The following EPB41 variants were observed in gnomAD, a reference collection of about 807,000 sequenced individuals.
EPB41 encodes erythrocyte membrane protein band 4.1.
A neutral mutation model predicts 108.0 loss-of-function variants in EPB41; 65 were observed. The observed-to-expected ratio is 0.60, with a 90% confidence interval of 0.49 to 0.74. The LOEUF is 0.74. EPB41 is among the 30% of genes least tolerant of loss of function. The probability of loss-of-function intolerance (pLI) is 0.00; values close to 1 mark genes in which losing one functional copy is unlikely to be tolerated. For missense variants in EPB41, 875 were observed against 1,037.0 expected, an observed-to-expected ratio of 0.84 and a Z score of 2.15; for synonymous variants, 336 against 358.9, an observed-to-expected ratio of 0.94 and a Z score of 0.72.
intron 11 of EPB41, among the ~76,000 whole-genome samples, chr1:29,040,988 C>A (rs1309659401): frequency 6.6e-6 from 1 of 151,502 alleles, no homozygotes; most frequent in South Asian, 2.1e-4. Context: ...ATACAAAAAT[C>A]AGCTGGGCAT....
intron 16 of EPB41, among the ~76,000 whole-genome samples, chr1:29,086,119 A>C (rs1043171491): frequency 2.6e-5 from 4 of 152,102 alleles, no homozygotes; most frequent in African/African-American, 9.7e-5. Context: ...AACCAGATAC[A>C]AGTGCTTGCA....
At chr1:29,047,444 A>G (rs1643613772) in intron 11 of EPB41, among the ~76,000 whole-genome samples, 1 of 148,088 alleles carries the variant, frequency 6.8e-6, no homozygotes, top group Non-Finnish European at 1.5e-5. Flanking sequence ...TGTAGAGACA[A>G]GGTCTTACTG....
At chr1:29,041,151 A>T (rs141912292) in intron 11 of EPB41, 10,715 of 120,526 alleles carry the variant, frequency 0.089, 416 homozygotes, top group African/African-American at 0.14. Context: ...AATAAATTAA[A>T]TAAATAAATA....
At chr1:29,011,988 C>A in intron 5 of EPB41, 81 bp downstream of exon 5, 1 of 1,496,362 alleles carries the variant, frequency 6.7e-7, no homozygotes, top group South Asian at 1.1e-5. Context: ...GGCTGTGAGT[C>A]AGTCACTTTA....
intron 1 of EPB41, among the ~76,000 whole-genome samples, chr1:28,915,295 T>C (rs949764675): frequency 1.3e-5 from 2 of 152,042 alleles, no homozygotes; most frequent in African/African-American, 4.8e-5. Flanking sequence ...AAAAACATGT[T>C]CCCCCTTAGT....
chr1:28,909,157 CAA>C (rs35591255), intron 1 of EPB41, among the ~76,000 whole-genome samples: 3 of 122,976 alleles, frequency 2.4e-5, no homozygotes, highest in Non-Finnish European at 5.1e-5. Flanking sequence ...GACTCCGTCT[CAA>C]AAAAAAAAAA....
chr1:28,942,586 C>A (rs1257327411), intron 1 of EPB41, among the ~76,000 whole-genome samples: 2 of 152,264 alleles, frequency 1.3e-5, no homozygotes, highest in African/African-American at 4.8e-5. Flanking sequence ...ACACCAACCT[C>A]CACGATCTTA....
intron 9 of EPB41, among the ~76,000 whole-genome samples, chr1:29,035,113 C>T (rs1226851764): frequency 1.3e-5 from 2 of 151,596 alleles, no homozygotes; most frequent in Non-Finnish European, 2.9e-5. Context: ...TCCTGAGTAG[C>T]TGGAATTACA....
At chr1:29,023,506 G>A (rs945358961) in intron 7 of EPB41, among the ~76,000 whole-genome samples, 3 of 151,310 alleles carry the variant, frequency 2.0e-5, no homozygotes, top group Non-Finnish European at 2.9e-5. Flanking sequence ...TGACCAACAT[G>A]GAGAAACCCC....
At chr1:28,890,775 A>C (rs1337085260) in intron 1 of EPB41, 2 of 262,290 alleles carry the variant, frequency 7.6e-6, no homozygotes, top group Non-Finnish European at 1.2e-5. Flanking sequence ...GACTTGACCA[A>C]AGTCACAAAG....
chr1:28,919,377 A>C (rs1336424731), intron 1 of EPB41, among the ~76,000 whole-genome samples: 3 of 152,186 alleles, frequency 2.0e-5, no homozygotes, highest in African/African-American at 7.2e-5. Flanking sequence ...ACCCTAAGTA[A>C]ACATGCAATC....
intron 1 of EPB41, among the ~76,000 whole-genome samples, chr1:28,921,386 T>C (rs957664671): frequency 1.3e-5 from 2 of 152,150 alleles, no homozygotes; most frequent in African/African-American, 4.8e-5. Context: ...TAATAATACA[T>C]TTCATACAGA....
chr1:28,897,608 G>GGGAGGGGAGAGGAGGGGAGA (rs1266878550), intron 1 of EPB41, among the ~76,000 whole-genome samples: 21 of 18,208 alleles, frequency 1.2e-3, no homozygotes, highest in African/African-American at 4.7e-3. Flanking sequence ...GGAAGGGGAG[G>GGGAGGGGAGAGGAGGGGAGA]GGAGGGGAGA....
intron 1 of EPB41, among the ~76,000 whole-genome samples, chr1:28,943,119 A>G (rs1193038179): frequency 1.3e-5 from 2 of 152,200 alleles, no homozygotes; most frequent in Non-Finnish European, 2.9e-5. Context: ...CTACTTATAT[A>G]CCAGGAGTGT....
intron 17 of EPB41, among the ~76,000 whole-genome samples, chr1:29,107,832 C>T (rs1157881984): frequency 8.5e-6 from 1 of 117,114 alleles, no homozygotes; most frequent in East Asian, 2.4e-4. Context: ...GCCTGGGCAA[C>T]AGAAGCGAAA....
chr1:29,067,347 T>C (rs1271354354), intron 16 of EPB41, among the ~76,000 whole-genome samples: 1 of 151,348 alleles, frequency 6.6e-6, no homozygotes, highest in South Asian at 2.1e-4. Context: ...AAACAAAAAA[T>C]TAGCCAGGTG....
At chr1:29,102,815 C>G (rs1312620562) in intron 17 of EPB41, among the ~76,000 whole-genome samples, 1 of 152,068 alleles carries the variant, frequency 6.6e-6, no homozygotes, top group African/African-American at 2.4e-5. Flanking sequence ...TCTTGTCGCC[C>G]AGGCTGGAAT....
chr1:28,928,693 C>T (rs1232639195), intron 1 of EPB41, among the ~76,000 whole-genome samples: 7 of 152,250 alleles, frequency 4.6e-5, no homozygotes. Flanking sequence ...AGATCTAGTA[C>T]TTAATCAGGT....
At chr1:28,891,112 CAAGACTGGGCACTGA>C (rs2090070076) in intron 1 of EPB41, 1 of 456,542 alleles carries the variant, frequency 2.2e-6, no homozygotes, top group Non-Finnish European at 2.9e-6. Context: ...TGCCCAGGTG[CAAGACTGGGCACTGA>C]AAGGCAACCT....
Sources: allele counts gnomAD v4.1 joint callset (sites outside exome capture counted in the v4.1 genomes callset), GRCh38; gene constraint gnomAD v4.1.1; transcripts MANE v1.5; gene names NCBI Gene and HGNC (gene_info 2026-07-23, HGNC 2026-07-21).